ATF3: variants seen among roughly 807,000 people sequenced by gnomAD.
The protein encoded by ATF3 is cyclic AMP-dependent transcription factor ATF-3.
Under a neutral mutation model 18.4 loss-of-function variants are expected in ATF3, and 10 were observed. The observed-to-expected ratio is 0.54, with a 90% confidence interval of 0.34 to 0.92. ATF3 has a LOEUF of 0.92. ATF3 is among the 40% of genes least tolerant of loss of function. The pLI, the probability that ATF3 is intolerant of heterozygous loss-of-function variation, is 0.02. For synonymous variants in ATF3, 78 were observed against 87.9 expected (o/e 0.89, Z 0.63); for missense variants, 183 against 222.3 (o/e 0.82, Z 1.12).
In ATF3 at chr1:212,620,774, A is replaced by T. The variant is rs1655356092; in HGVS notation, c.*1219A>T. 1 of 152,578 alleles carries T rather than the reference A, an allele frequency of 6.6e-6. No homozygotes were observed. The highest frequency in any genetic ancestry group is 1.5e-5 in the Non-Finnish European group (1 of 68,050). 9.5% of individuals were successfully genotyped at this position (152,578 alleles called of 1,614,324 possible). ...TAAATATTGGAACCAAGACATGGTA[A>T]ACATGTGTTGTGCTGGTTTCTGTTC... On this transcript the variant is annotated 3_prime_UTR_variant, in exon 4 of 4. Transcript: ENST00000341491.
At chr1:212,586,017 T>C (rs931770872) in intron 1 of ATF3, among the ~76,000 whole-genome samples, 6 of 152,282 alleles carry the variant, frequency 3.9e-5, no homozygotes, top group Admixed American at 3.3e-4. Flanking sequence ...TTTCCCAAAA[T>C]TGTTGGGTCC....
rs938623043 is a variant in ATF3, at chr1:212,614,876, T to G, written c.-4-142T>G. 8.1e-6 allele frequency: 12 copies of G among 1,478,576 alleles called. No individual in the cohort carries two copies. The African/African-American group carries it at 1.5e-4, about 19-fold the overall frequency. The allele number at this position is 1,478,576 out of a possible 1,614,324, so 91.6% of individuals were successfully genotyped here. A position where few individuals can be genotyped will look rare whatever the true frequency, so the allele number is the denominator to read the frequency against. ...TACTTAAGATGAGGATGGCATGAAA[T>G]GAAAACAAAACAGAAACCCAAGGGC... is the stretch of plus-strand genomic sequence containing the variant. On this transcript the variant is annotated intron_variant, in intron 1 of 3. Coordinates refer to ENST00000341491, the MANE Select transcript of ATF3 (RefSeq NM_001674.4).
intron 1 of ATF3, among the ~76,000 whole-genome samples, chr1:212,600,370 C>T (rs976294767): frequency 8.5e-5 from 13 of 152,254 alleles, no homozygotes; most frequent in African/African-American, 1.9e-4. Flanking sequence ...GCTTCCCTAA[C>T]GTCTCCTCCC....
intron 1 of ATF3, among the ~76,000 whole-genome samples, chr1:212,609,758 A>G (rs1296780409): frequency 6.6e-6 from 1 of 152,214 alleles, no homozygotes; most frequent in Non-Finnish European, 1.5e-5. Flanking sequence ...GTGTGGAGCC[A>G]CTTGTGCAGA....
intron 1 of ATF3, among the ~76,000 whole-genome samples, chr1:212,574,174 T>G (rs1664531590): frequency 6.6e-6 from 1 of 151,936 alleles, no homozygotes; most frequent in African/African-American, 2.4e-5. Flanking sequence ...TAAAAACAAA[T>G]AAGATTGTAA....
chr1:212,590,197 T>C (rs1247718539), intron 1 of ATF3, among the ~76,000 whole-genome samples: 1 of 152,072 alleles, frequency 6.6e-6, no homozygotes, highest in Admixed American at 6.5e-5. Context: ...TTTTGGCATG[T>C]TTGTTAATTC....
intron 1 of ATF3, among the ~76,000 whole-genome samples, chr1:212,575,116 G>A (rs1041014440): frequency 6.6e-6 from 1 of 151,742 alleles, no homozygotes; most frequent in African/African-American, 2.4e-5. Context: ...ATGATACCAC[G>A]ACACCAGAGG....
At chr1:212,595,593 T>C (rs937027805) in intron 1 of ATF3, among the ~76,000 whole-genome samples, 1 of 152,090 alleles carries the variant, frequency 6.6e-6, no homozygotes, top group Non-Finnish European at 1.5e-5. Context: ...GGGAAACCAT[T>C]ACTCGAATTG....
intron 1 of ATF3, among the ~76,000 whole-genome samples, chr1:212,581,915 T>C (rs980223017): frequency 1.3e-5 from 2 of 152,234 alleles, no homozygotes; most frequent in African/African-American, 4.8e-5. Flanking sequence ...AAGAGGATGC[T>C]ATTTGGGGTC....
intron 1 of ATF3, among the ~76,000 whole-genome samples, chr1:212,590,520 G>A (rs532937569): frequency 6.6e-6 from 1 of 152,268 alleles, no homozygotes; most frequent in South Asian, 2.1e-4. Flanking sequence ...GTAGTCTCTG[G>A]TTGGTGGCAT....
chr1:212,593,829 A>G (rs893090760), intron 1 of ATF3, among the ~76,000 whole-genome samples: 1 of 151,194 alleles, frequency 6.6e-6, no homozygotes, highest in African/African-American at 2.4e-5. Flanking sequence ...CTCTATTTAT[A>G]TCAGTCACCA....
At chr1:212,586,821 ATC>A (rs1664787529) in intron 1 of ATF3, among the ~76,000 whole-genome samples, 1 of 152,234 alleles carries the variant, frequency 6.6e-6, no homozygotes, top group Non-Finnish European at 1.5e-5. Context: ...TGACTTTTTG[ATC>A]AGGTCAGTGC....
chr1:212,578,726 A>G (rs1414935496), intron 1 of ATF3, among the ~76,000 whole-genome samples: 1 of 152,086 alleles, frequency 6.6e-6, no homozygotes, highest in African/African-American at 2.4e-5. Context: ...TTCAGGGGAA[A>G]GTGATGTTTG....
intron 1 of ATF3, among the ~76,000 whole-genome samples, chr1:212,609,171 G>T (rs1654768207): frequency 6.6e-6 from 1 of 152,246 alleles, no homozygotes. Context: ...GGCGCGAAAG[G>T]TTCCTGGTGA....
At chr1:212,612,402 T>A (rs1261978056) in intron 1 of ATF3, among the ~76,000 whole-genome samples, 1 of 152,044 alleles carries the variant, frequency 6.6e-6, no homozygotes, top group Middle Eastern at 3.2e-3. Context: ...GAATTCAAAG[T>A]CCCCGTGTAG....
intron 1 of ATF3, among the ~76,000 whole-genome samples, chr1:212,597,550 G>A (rs542183872): frequency 4.6e-5 from 7 of 152,144 alleles, no homozygotes; most frequent in Non-Finnish European, 8.8e-5. Flanking sequence ...AAGGTGGGTC[G>A]TATTAGCTTT....
At chr1:212,569,859 T>G (rs1303667177) in intron 1 of ATF3, among the ~76,000 whole-genome samples, 1 of 152,186 alleles carries the variant, frequency 6.6e-6, no homozygotes, top group East Asian at 1.9e-4. Context: ...CTTATTTACT[T>G]TAAATATATT....
Position 212,618,041 on chromosome 1 carries a change from G to C in ATF3, c.241-86G>C. The stretch of plus-strand genomic sequence containing the variant: ...GCGCTAGCATTGCCCTTGTCTGCCA[G>C]CTTTTGCTGGCAGTAAAAGGCAGTG... On this transcript the variant is annotated intron_variant, in intron 2 of 3. Coordinates refer to ENST00000341491, the MANE Select transcript of ATF3 (RefSeq NM_001674.4). This position sits in a 1 kb window ranked among gnomAD's most constrained non-coding sequence, Gnocchi z 4.4. 7.1e-7 allele frequency: 1 copy of C among 1,407,688 alleles called. No homozygotes were observed. The highest frequency in any genetic ancestry group is 1.2e-5 in the South Asian group (1 of 84,558). 87.2% of individuals were successfully genotyped at this position (1,407,688 alleles called of 1,614,324 possible).
chr1:212,584,419 C>T (rs1324484086), intron 1 of ATF3, among the ~76,000 whole-genome samples: 3 of 152,080 alleles, frequency 2.0e-5, no homozygotes, highest in African/African-American at 7.2e-5. Context: ...GGTGCAGTTC[C>T]AGTCTGAGGC....
Sources: allele counts gnomAD v4.1 joint callset (sites outside exome capture counted in the v4.1 genomes callset), GRCh38; gene constraint gnomAD v4.1.1; non-coding constraint Gnocchi (gnomAD v3.1); transcripts MANE v1.5; gene names NCBI Gene and HGNC (gene_info 2026-07-23, HGNC 2026-07-21).